VWA3B: variants seen among roughly 807,000 people sequenced by gnomAD.
VWA3B encodes the protein von Willebrand factor A domain-containing protein 3B.
VWA3B carries 138 observed loss-of-function variants against 158.3 expected under a neutral mutation model. The observed-to-expected ratio is 0.87, with a 90% CI of 0.76 to 1.00. The LOEUF is 1.00. VWA3B is among the 50% of genes least tolerant of loss of function. VWA3B has a pLI of 0.00. For missense variants in VWA3B, 1,555 were observed against 1,565.1 expected, an observed-to-expected ratio of 0.99 and a Z score of 0.11; for synonymous variants, 596 against 587.3, an observed-to-expected ratio of 1.01 and a Z score of -0.21.
intron 2 of VWA3B, among the ~76,000 whole-genome samples, chr2:98,094,099 CAA>C (rs985537736): frequency 1.3e-5 from 2 of 152,168 alleles, no homozygotes; most frequent in African/African-American, 2.4e-5. Context: ...CTGCACCAAA[CAA>C]GAGAGTGCAG....
At chr2:98,153,662 C>T (rs1005602735) in intron 7 of VWA3B, among the ~76,000 whole-genome samples, 1 of 152,168 alleles carries the variant, frequency 6.6e-6, no homozygotes, top group African/African-American at 2.4e-5. Context: ...CTGATTGGTG[C>T]CTGTTTATGG....
chr2:98,163,841 G>T (rs1272500557), intron 8 of VWA3B, among the ~76,000 whole-genome samples: 2 of 152,188 alleles, frequency 1.3e-5, no homozygotes, highest in African/African-American at 4.8e-5. Context: ...ATAGCAAAGC[G>T]ATCAGATACT....
chr2:98,220,373 C>T (rs1684398072), intron 14 of VWA3B, among the ~76,000 whole-genome samples: 2 of 152,094 alleles, frequency 1.3e-5, no homozygotes, highest in South Asian at 4.1e-4. Context: ...ATTCTTATTG[C>T]ACAATTATAA....
chr2:98,319,737 A>G, the VWA3B span, among the ~76,000 whole-genome samples: 4 of 152,052 alleles, frequency 2.6e-5, no homozygotes, highest in Admixed American at 6.6e-5. Flanking sequence ...AAAATTAGCC[A>G]TGCATGGTGG....
intron 12 of VWA3B, among the ~76,000 whole-genome samples, chr2:98,210,057 C>A (rs1027813049): frequency 2.6e-5 from 4 of 152,158 alleles, no homozygotes; most frequent in African/African-American, 9.7e-5. Context: ...GGATGGGGAG[C>A]AGACCACAGA....
At chr2:98,305,058 G>T (rs568465529) in intron 26 of VWA3B, among the ~76,000 whole-genome samples, 6 of 152,052 alleles carry the variant, frequency 3.9e-5, no homozygotes, top group Non-Finnish European at 8.8e-5. Flanking sequence ...AGTGAGCTCC[G>T]CCCTCACTGA....
chr2:98,261,421 C>T (rs149106729), intron 21 of VWA3B, among the ~76,000 whole-genome samples: 1 of 151,736 alleles, frequency 6.6e-6, no homozygotes, highest in East Asian at 1.9e-4. Flanking sequence ...GTAAAGAAAA[C>T]AACAAAAGGA....
At chr2:98,189,278 G>A (rs1681381285) in intron 10 of VWA3B, among the ~76,000 whole-genome samples, 2 of 152,266 alleles carry the variant, frequency 1.3e-5, no homozygotes, top group Middle Eastern at 3.4e-3. Context: ...ATGGTGGCGG[G>A]CACCTGTAGT....
intron 15 of VWA3B, among the ~76,000 whole-genome samples, chr2:98,228,752 G>A (rs1445446566): frequency 6.6e-6 from 1 of 152,118 alleles, no homozygotes; most frequent in Non-Finnish European, 1.5e-5. Context: ...TTAAAATGGT[G>A]GCCGTGGTGG....
chr2:98,254,594 C>G (rs1448744485), intron 20 of VWA3B, among the ~76,000 whole-genome samples: 1 of 152,174 alleles, frequency 6.6e-6, no homozygotes, highest in Non-Finnish European at 1.5e-5. Flanking sequence ...CTCTTCCCGA[C>G]TCTTTTTCTA....
intron 12 of VWA3B, among the ~76,000 whole-genome samples, chr2:98,203,268 C>T (rs569568117): frequency 9.2e-4 from 140 of 152,304 alleles, no homozygotes; most frequent in African/African-American, 3.1e-3. Context: ...TGTATGGGTT[C>T]CCTGTTCTGT....
At chr2:98,249,755 G>C (rs917617296) in intron 19 of VWA3B, among the ~76,000 whole-genome samples, 1 of 151,866 alleles carries the variant, frequency 6.6e-6, no homozygotes, top group African/African-American at 2.4e-5. Context: ...TCTCTTATCC[G>C]AGATCACACC....
At chr2:98,237,826 A>T (rs1216637884) in intron 19 of VWA3B, among the ~76,000 whole-genome samples, 1 of 152,164 alleles carries the variant, frequency 6.6e-6, no homozygotes, top group African/African-American at 2.4e-5. Context: ...AAATGATACA[A>T]TGCTTGGGGA....
intron 22 of VWA3B, among the ~76,000 whole-genome samples, chr2:98,272,699 A>G (rs1688276780): frequency 6.6e-6 from 1 of 152,226 alleles, no homozygotes; most frequent in Non-Finnish European, 1.5e-5. Flanking sequence ...GTTAGGAGTT[A>G]TGAGCCAGGA....
chr2:98,207,697 A>G, intron 12 of VWA3B: 1 of 417,226 alleles, frequency 2.4e-6, no homozygotes, highest in Non-Finnish European at 4.6e-6. Context: ...AAGGTTTGGC[A>G]GAAGCTGATA....
At chr2:98,112,859 A>G (rs1674250810) in intron 2 of VWA3B, among the ~76,000 whole-genome samples, 1 of 151,790 alleles carries the variant, frequency 6.6e-6, no homozygotes, top group Non-Finnish European at 1.5e-5. Context: ...CTCTTTGTTT[A>G]TCAGATTGAG....
At chr2:98,164,685 G>T (rs1183681953) in intron 8 of VWA3B, among the ~76,000 whole-genome samples, 2 of 152,140 alleles carry the variant, frequency 1.3e-5, no homozygotes, top group African/African-American at 4.8e-5. Context: ...TCTTGATGTT[G>T]GTTTCCATGA....
rs140255073 is a variant in VWA3B, at chr2:98,238,270, G to A, written c.2673+1540G>A. ...CTGGCTACTTTGCCTCAAGGTGAGT[G>A]CTCCTGTCCCTGGCTGTTTCCTTGT... On this transcript the variant is annotated intron_variant, in intron 19 of 27. Transcript: ENST00000477737. Among the ~76,000 whole-genome samples, 762 of 152,278 alleles carry A rather than the reference G, an allele frequency of 5.0e-3. 3 individuals are homozygous for A. Among genetic ancestry groups the A allele is most frequent in the Non-Finnish European group, 8.8e-3 (599 of 68,016 alleles).
downstream of VWA3B, among the ~76,000 whole-genome samples, chr2:98,313,877 A>T (rs986910562): frequency 6.6e-6 from 1 of 152,218 alleles, no homozygotes; most frequent in African/African-American, 2.4e-5. Context: ...GATGTGTTCA[A>T]TGATAGTGCC....
Sources: allele counts gnomAD v4.1 joint callset (sites outside exome capture counted in the v4.1 genomes callset), GRCh38; gene constraint gnomAD v4.1.1; transcripts MANE v1.5; gene names NCBI Gene and HGNC (gene_info 2026-07-23, HGNC 2026-07-21).